SH3BGR: variants seen among roughly 807,000 people sequenced by gnomAD.
The protein encoded by SH3BGR is SH3 domain binding glutamate rich protein.
SH3BGR carries 29 observed loss-of-function variants against 24.5 expected under a neutral mutation model. The ratio of observed to expected loss-of-function variants is 1.18; its 90% CI spans 0.88 to 1.61. SH3BGR has a LOEUF of 1.61. Ranked by LOEUF, SH3BGR falls within the 40% of genes most tolerant of loss-of-function variation. SH3BGR has a pLI of 0.00. For missense variants in SH3BGR, 162 were observed against 205.8 expected (o/e 0.79, Z 1.30); for synonymous variants, 55 against 65.7 (o/e 0.84, Z 0.79).
chr21:39,511,425 G>A lies in SH3BGR; in HGVS notation c.436-255G>A, dbSNP rs79411820. 7.4e-5 allele frequency among the ~76,000 whole-genome samples: 11 copies of A among 149,082 alleles called. No homozygotes were observed. The highest frequency in any genetic ancestry group is 1.2e-4 in the Non-Finnish European group (8 of 67,058). ...TGTGTGTCTGGGTGGTGTGTGGGGG[G>A]GTGTGTGTGCTGTGTGTCATGTGTG... On this transcript the variant is annotated intron_variant, in intron 5 of 6. Coordinates refer to ENST00000333634, the MANE Select transcript of SH3BGR (RefSeq NM_007341.3). The surrounding 1 kb of genome is among the most constrained non-coding windows in gnomAD (Gnocchi z 4.2).
At chr21:39,455,171 C>T (rs942562702) in intron 1 of SH3BGR, among the ~76,000 whole-genome samples, 1 of 152,224 alleles carries the variant, frequency 6.6e-6, no homozygotes, top group African/African-American at 2.4e-5. Context: ...GCTGTCAGAT[C>T]ACTCTGACAC....
intron 3 of SH3BGR, among the ~76,000 whole-genome samples, chr21:39,476,105 GAGACC>G (rs1641462087): frequency 6.6e-6 from 1 of 152,176 alleles, no homozygotes; most frequent in African/African-American, 2.4e-5. Context: ...TGACAGGATG[GAGACC>G]AGAGTGGGGG....
At chr21:39,449,319 T>G (rs923891011), upstream of SH3BGR, among the ~76,000 whole-genome samples, 1 of 152,162 alleles carries the variant, frequency 6.6e-6, no homozygotes, top group African/African-American at 2.4e-5. Flanking sequence ...AGGTTGTATC[T>G]CCCCCTAAAA....
intron 4 of SH3BGR, 55 bp downstream of exon 4, chr21:39,499,970 T>G: frequency 8.0e-7 from 1 of 1,254,266 alleles, no homozygotes; most frequent in Non-Finnish European, 1.2e-6. Context: ...GTTCGAGACT[T>G]TTACAGGGCT....
At chr21:39,493,127 T>C (rs188867972) in intron 3 of SH3BGR, among the ~76,000 whole-genome samples, 2 of 152,356 alleles carry the variant, frequency 1.3e-5, no homozygotes, top group African/African-American at 4.8e-5. Flanking sequence ...TTTAATTCAG[T>C]CCCAGCTATT....
At chr21:39,494,459 C>T (rs928448603) in intron 3 of SH3BGR, among the ~76,000 whole-genome samples, 1 of 152,034 alleles carries the variant, frequency 6.6e-6, no homozygotes, top group South Asian at 2.1e-4. Context: ...ACTTTGCTTT[C>T]ATTCTTGAGG....
At position 39,462,473 on chromosome 21, in the gene SH3BGR, G is replaced by C. The variant is rs753256009; in HGVS notation, c.144G>C (p.Trp48Cys). The part of the protein sequence containing the change: ...DIAGDEDNRR[W>C]MRENVPGEKK... ...CTGGAGATGAAGACAACAGGAGGTG[G>C]ATGAGAGAGAATGTTCCTGGAGAGA... Residue 48 changes from tryptophan (W) to cysteine (C), a missense_variant, in exon 2 of 7, where the codon TGG becomes TGC. Transcript: ENST00000333634. 6.2e-7 allele frequency: 1 copy of C among 1,608,640 alleles called. No homozygotes were observed. The highest frequency in any genetic ancestry group is 8.5e-7 in the Non-Finnish European group (1 of 1,178,804).
chr21:39,453,160 C>T (rs1222064087), intron 1 of SH3BGR, among the ~76,000 whole-genome samples: 6 of 152,130 alleles, frequency 3.9e-5, no homozygotes, highest in African/African-American at 1.4e-4. Context: ...TGCCACCACT[C>T]CCAGCCCCGA....
At chr21:39,497,203 A>G (rs1281515098) in intron 3 of SH3BGR, among the ~76,000 whole-genome samples, 1 of 150,654 alleles carries the variant, frequency 6.6e-6, no homozygotes, top group Non-Finnish European at 1.5e-5. Context: ...ATCAGTATTT[A>G]TATATAGGAT....
At chr21:39,479,224 G>GGGTGGT (rs973677506) in intron 3 of SH3BGR, among the ~76,000 whole-genome samples, 39 of 137,684 alleles carry the variant, frequency 2.8e-4, no homozygotes, top group African/African-American at 9.7e-4. Flanking sequence ...GAGGTGGTAA[G>GGGTGGT]GGTGGTGGTG....
intron 2 of SH3BGR, among the ~76,000 whole-genome samples, chr21:39,474,642 C>T (rs1476946075): frequency 6.6e-6 from 1 of 152,068 alleles, no homozygotes; most frequent in Non-Finnish European, 1.5e-5. Context: ...CCTATTTTGC[C>T]AAAACAGTCG....
chr21:39,452,393 A>G (rs2077589022), intron 1 of SH3BGR, among the ~76,000 whole-genome samples: 1 of 151,774 alleles, frequency 6.6e-6, no homozygotes, highest in Non-Finnish European at 1.5e-5. Flanking sequence ...AATTTTTAAC[A>G]TGTGATTTGT....
At chr21:39,478,636 T>C (rs1431577852) in intron 3 of SH3BGR, among the ~76,000 whole-genome samples, 1 of 152,186 alleles carries the variant, frequency 6.6e-6, no homozygotes, top group Non-Finnish European at 1.5e-5. Context: ...CTTTCTTTTC[T>C]TTTTGGAATT....
chr21:39,489,568 G>C (rs541417427), intron 3 of SH3BGR, among the ~76,000 whole-genome samples: 1 of 152,318 alleles, frequency 6.6e-6, no homozygotes, highest in Admixed American at 6.5e-5. Context: ...TGAGCACTGA[G>C]TTGGGTGGGG....
At chr21:39,450,178 C>T (rs2077557421), upstream of SH3BGR, among the ~76,000 whole-genome samples, 1 of 152,128 alleles carries the variant, frequency 6.6e-6, no homozygotes, top group South Asian at 2.1e-4. Context: ...ATAATACGTA[C>T]TGTAGAAATT....
At chr21:39,489,990 T>A (rs770436558) in intron 3 of SH3BGR, among the ~76,000 whole-genome samples, 17 of 152,224 alleles carry the variant, frequency 1.1e-4, no homozygotes, top group Non-Finnish European at 2.4e-4. Context: ...AAGGATTCTG[T>A]TCATGGATGA....
intron 2 of SH3BGR, among the ~76,000 whole-genome samples, chr21:39,470,904 C>G (rs527375361): frequency 1.3e-5 from 2 of 151,816 alleles, no homozygotes; most frequent in Non-Finnish European, 2.9e-5. Context: ...CTTTCTTTCA[C>G]CTTCATGCTT....
intron 1 of SH3BGR, among the ~76,000 whole-genome samples, chr21:39,446,467 A>C (rs892810065): frequency 1.3e-5 from 2 of 152,176 alleles, no homozygotes; most frequent in African/African-American, 4.8e-5. Flanking sequence ...GCGAGGTTGC[A>C]GGGCCAAAGC....
chr21:39,490,033 GTGTTCGA>G (rs2078273629), intron 3 of SH3BGR, among the ~76,000 whole-genome samples: 1 of 152,190 alleles, frequency 6.6e-6, no homozygotes, highest in African/African-American at 2.4e-5. Context: ...ATAAGTGTAA[GTGTTCGA>G]AAGGGCGCAT....
Sources: gnomAD v4.1 joint callset for allele counts (sites outside exome capture counted in the v4.1 genomes callset) on GRCh38, gnomAD v4.1.1 for gene constraint, Gnocchi (gnomAD v3.1) non-coding constraint, MANE v1.5 for transcripts, NCBI Gene and HGNC (gene_info 2026-07-23, HGNC 2026-07-21) for gene names.